Variants in AUTS2 observed in about 807,000 individuals in gnomAD.
The protein encoded by AUTS2 is activator of transcription and developmental regulator AUTS2.
A neutral mutation model predicts 112.4 loss-of-function variants in AUTS2; 17 were observed. The ratio of observed to expected loss-of-function variants is 0.15; its 90% CI spans 0.10 to 0.23. The LOEUF is 0.23. Among genes scored for constraint, AUTS2 ranks in the 10% least tolerant of loss-of-function variants. The pLI, the probability that AUTS2 is intolerant of heterozygous loss-of-function variation, is 1.00. For synonymous variants in AUTS2, 751 were observed against 702.7 expected (o/e 1.07, Z -1.09); for missense variants, 1,510 against 1,701.6 (o/e 0.89, Z 1.98).
chr7:70,595,080 A>T (rs965150325), intron 5 of AUTS2, among the ~76,000 whole-genome samples: 2 of 151,116 alleles, frequency 1.3e-5, no homozygotes, highest in African/African-American at 4.9e-5. Context: ...CAGCCTGAAC[A>T]AGAGTGAAAC....
intron 2 of AUTS2, among the ~76,000 whole-genome samples, chr7:70,113,208 A>T (rs1242240460): frequency 1.3e-5 from 2 of 152,058 alleles, no homozygotes; most frequent in African/African-American, 2.4e-5. Flanking sequence ...TTTCTTTTTT[A>T]AAAAATAGTT....
intron 4 of AUTS2, among the ~76,000 whole-genome samples, chr7:70,258,915 A>AAAGGATGAAGGTATG (rs1562828332): frequency 6.6e-6 from 1 of 152,182 alleles, no homozygotes; most frequent in Non-Finnish European, 1.5e-5. Flanking sequence ...CAGCCCCAAA[A>AAAGGATGAAGGTATG]GGAACCTTCA....
At chr7:70,311,621 A>G (rs1219711888) in intron 4 of AUTS2, among the ~76,000 whole-genome samples, 2 of 152,120 alleles carry the variant, frequency 1.3e-5, no homozygotes, top group African/African-American at 4.8e-5. Flanking sequence ...CAGTGATGCA[A>G]TCTTGGCTCA....
At chr7:70,647,725 C>A (rs1477115709) in intron 5 of AUTS2, among the ~76,000 whole-genome samples, 1 of 152,158 alleles carries the variant, frequency 6.6e-6, no homozygotes, top group Non-Finnish European at 1.5e-5. Flanking sequence ...TTCTGCCCAC[C>A]ACCCTCTCTC....
intron 2 of AUTS2, among the ~76,000 whole-genome samples, chr7:69,927,441 TA>T (rs200265259): frequency 9.4e-4 from 142 of 150,372 alleles, no homozygotes; most frequent in Middle Eastern, 3.5e-3. Flanking sequence ...TTTAAATAAT[TA>T]AAAAAAAAAT....
intron 4 of AUTS2, among the ~76,000 whole-genome samples, chr7:70,224,326 G>A (rs912645942): frequency 3.6e-5 from 4 of 111,902 alleles, no homozygotes; most frequent in Non-Finnish European, 5.4e-5. Context: ...ATACAATACA[G>A]TACAGTACAA....
intron 2 of AUTS2, among the ~76,000 whole-genome samples, chr7:70,006,822 A>G (rs1449358183): frequency 6.6e-6 from 1 of 152,124 alleles, no homozygotes; most frequent in Non-Finnish European, 1.5e-5. Context: ...GCTGTGCACA[A>G]GCCCCATCTC....
chr7:70,090,165 T>G (rs1476082057), intron 2 of AUTS2, among the ~76,000 whole-genome samples: 1 of 151,718 alleles, frequency 6.6e-6, no homozygotes, highest in African/African-American at 2.4e-5. Flanking sequence ...GGTTTTGGGG[T>G]TATACCATAT....
chr7:70,521,289 T>A (rs1427194894), intron 5 of AUTS2, among the ~76,000 whole-genome samples: 2 of 152,332 alleles, frequency 1.3e-5, no homozygotes, highest in African/African-American at 4.8e-5. Flanking sequence ...ACTTTGCAGA[T>A]ACGACGTGTG....
chr7:69,690,263 A>G (rs1584077852), intron 1 of AUTS2, among the ~76,000 whole-genome samples: 2 of 152,192 alleles, frequency 1.3e-5, no homozygotes. Context: ...TACATATAAT[A>G]TAGTTGGTGT....
intron 5 of AUTS2, among the ~76,000 whole-genome samples, chr7:70,547,234 A>G (rs1800825056): frequency 6.6e-6 from 1 of 152,138 alleles, no homozygotes; most frequent in Admixed American, 6.5e-5. Context: ...GACATTTCAT[A>G]TAATGGAACA....
intron 1 of AUTS2, among the ~76,000 whole-genome samples, chr7:69,830,198 A>G (rs2129527404): frequency 6.6e-6 from 1 of 152,252 alleles, no homozygotes; most frequent in Middle Eastern, 3.4e-3. Flanking sequence ...GAAAGCACAG[A>G]CACAAGGAGG....
chr7:70,635,089 G>C (rs539574752), intron 5 of AUTS2, among the ~76,000 whole-genome samples: 1 of 152,140 alleles, frequency 6.6e-6, no homozygotes, highest in South Asian at 2.1e-4. Flanking sequence ...AGTACCGAGT[G>C]CCTTATGAAT....
chr7:70,641,041 T>G (rs1415135913), intron 5 of AUTS2, among the ~76,000 whole-genome samples: 2 of 152,146 alleles, frequency 1.3e-5, no homozygotes. Context: ...ATTGGTCTAA[T>G]CCCTCACCCA....
chr7:69,751,566 A>G (rs1787738405), intron 1 of AUTS2, among the ~76,000 whole-genome samples: 1 of 152,190 alleles, frequency 6.6e-6, no homozygotes, highest in Admixed American at 6.5e-5. Context: ...GGGTAGATGA[A>G]AGGATGAATT....
intron 5 of AUTS2, among the ~76,000 whole-genome samples, chr7:70,549,035 C>G (rs1024326002): frequency 1.1e-4 from 16 of 151,874 alleles, no homozygotes; most frequent in Non-Finnish European, 2.1e-4. Context: ...TCTTCTCACC[C>G]TTGAAGACAG....
In AUTS2 at chr7:70,763,097, T is replaced by G; in HGVS notation, c.970T>G (p.Leu324Val). The part of the protein sequence containing the change: ...QLRAPSPDPD[L>V]VQRTEAPPQP... ...CCGAGCTCCTTCTCCGGACCCTGAC[T>G]TGGTGCAGCGCACAGAGGCCCCACC... The change falls in exon 7 of 19, where the codon TTG (leucine) becomes GTG (valine). Residue 324 changes from leucine to valine, a missense_variant. By Grantham distance (32) the Leu-to-Val change is conservative. This residue lies in a region of AUTS2 where 535 missense variants were observed against 594.3 expected (regional missense o/e 0.90). Coordinates refer to ENST00000342771, the MANE Select transcript of AUTS2 (RefSeq NM_015570.4). 6.2e-7 allele frequency: 1 copy of G among 1,614,076 alleles called. No homozygotes were observed. Among genetic ancestry groups the G allele is most frequent in the Non-Finnish European group, 8.5e-7 (1 of 1,180,030 alleles).
intron 1 of AUTS2, among the ~76,000 whole-genome samples, chr7:69,610,306 T>A (rs994044146): frequency 4.6e-5 from 7 of 152,234 alleles, no homozygotes; most frequent in African/African-American, 1.2e-4. Flanking sequence ...TGAACTTCAA[T>A]CAGAGAGGCT....
intron 5 of AUTS2, among the ~76,000 whole-genome samples, chr7:70,565,607 G>A (rs1367886882): frequency 6.6e-6 from 1 of 152,212 alleles, no homozygotes; most frequent in Non-Finnish European, 1.5e-5. Flanking sequence ...CTGAGCACAG[G>A]AGGTTGAGGC....
Sources: allele counts gnomAD v4.1 joint callset (sites outside exome capture counted in the v4.1 genomes callset), GRCh38; gene constraint gnomAD v4.1.1; regional missense constraint gnomAD v4.1.1; transcripts MANE v1.5; gene names NCBI Gene and HGNC (gene_info 2026-07-23, HGNC 2026-07-21).